TOGARAM1: variants seen among roughly 807,000 people sequenced by gnomAD.
TOGARAM1 encodes TOG array regulator of axonemal microtubules protein 1.
A neutral mutation model predicts 166.6 loss-of-function variants in TOGARAM1; 100 were observed. That is an observed-to-expected ratio of 0.60 (90% CI 0.51 to 0.71). TOGARAM1 has a LOEUF of 0.71. TOGARAM1 is among the 30% of genes least tolerant of loss of function. The pLI is 0.00. For missense variants in TOGARAM1, 2,029 were observed against 2,102.7 expected (o/e 0.96, Z 0.69); for synonymous variants, 758 against 763.8 (o/e 0.99, Z 0.13).
rs1885321611 is a variant in TOGARAM1, at chr14:44,963,412, C to T, written c.991C>T (p.Pro331Ser). ...YYLELEASGFPEDPLPCAVTL... is the reference protein window; with the variant it reads ...YYLELEASGFSEDPLPCAVTL... ...TTTGGAACTTGAAGCCTCTGGATTT[C>T]CTGAAGATCCCCTTCCCTGTGCAGT... is the stretch of plus-strand genomic sequence containing the variant. Residue 331 changes from proline to serine, a missense_variant, in exon 1 of 20, where the codon CCT becomes TCT. Pro to Ser is a moderately conservative substitution (Grantham distance 74, BLOSUM62 -1). Around this residue, in one of 2 missense-constraint regions of TOGARAM1, gnomAD observed 1,453 missense variants for 1,432.2 expected, o/e 1.01. Coordinates refer to ENST00000361462, the MANE Select transcript of TOGARAM1 (RefSeq NM_001308120.2). The T allele has an allele frequency of 1.2e-6, 2 of 1,614,062 alleles. No individual in the cohort carries two copies. Among genetic ancestry groups the T allele is most frequent in the Non-Finnish European group, 1.7e-6 (2 of 1,180,042 alleles).
At chr14:45,060,656 C>A (rs1394073918) in intron 16 of TOGARAM1, among the ~76,000 whole-genome samples, 1 of 152,158 alleles carries the variant, frequency 6.6e-6, no homozygotes, top group African/African-American at 2.4e-5. Flanking sequence ...TTAAAAAATG[C>A]TTTCTTAACA....
At position 45,006,725 on chromosome 14, in the gene TOGARAM1, T is replaced by C. The variant is rs370068003; in HGVS notation, c.2904+458T>C. The C allele has an allele frequency of 7.5e-4, 114 of 152,540 alleles. 1 individual carries two copies. The South Asian group carries it at 0.023, about 31-fold the overall frequency. 9.4% of individuals were successfully genotyped at this position (152,540 alleles called of 1,614,324 possible). ...ATGTCTTATGTATTTTTGTACTTTT[T>C]ATATTAATATTATTTTTGTGTATTT... On this transcript the variant is annotated intron_variant, in intron 5 of 19. Coordinates refer to ENST00000361462, the MANE Select transcript of TOGARAM1 (RefSeq NM_001308120.2).
In TOGARAM1 at chr14:44,986,415, G is replaced by A. The variant is rs551041757; in HGVS notation, c.2047-9331G>A. On this transcript the variant is annotated intron_variant, in intron 1 of 19. Coordinates refer to ENST00000361462, the MANE Select transcript of TOGARAM1 (RefSeq NM_001308120.2). ...AGCGATCCCCCTACCTCAGCCTCCC[G>A]AGTAGCTAGGACTACAGGCTGGGGC... Among the ~76,000 whole-genome samples the A allele has an allele frequency of 9.2e-5, 14 of 152,060 alleles. 1 individual carries two copies. In the South Asian group the frequency reaches 2.5e-3, roughly 27 times the overall value.
Position 45,028,199 on chromosome 14 carries a change from T to G in TOGARAM1, c.3528T>G (p.Ser1176=). 1 of 1,575,370 alleles carries G rather than the reference T, an allele frequency of 6.3e-7. No homozygotes were observed. The highest frequency in any genetic ancestry group is 2.3e-5 in the East Asian group (1 of 44,344). ...AGGCTAAAGTTTCTATTTCTAAATC[T>G]ACTTATAACAAGATGAGACAAAAGA... ...EKDAKVSISK[S]TYNKMRQKRK... is the part of the protein sequence containing the mutation. The change falls in exon 10 of 20, where the codon TCT becomes TCG. Residue 1176 remains serine (S), a synonymous_variant. Coordinates refer to ENST00000361462, the MANE Select transcript of TOGARAM1 (RefSeq NM_001308120.2).
intron 16 of TOGARAM1, among the ~76,000 whole-genome samples, chr14:45,060,479 G>A (rs189639334): frequency 6.0e-4 from 91 of 152,072 alleles, no homozygotes; most frequent in African/African-American, 7.0e-4. Context: ...GCCTCCAGAG[G>A]TGCTAGGATT....
intron 16 of TOGARAM1, among the ~76,000 whole-genome samples, chr14:45,063,479 G>GTTTTTTTTTTTTTT (rs373702236): frequency 2.5e-5 from 3 of 118,690 alleles, no homozygotes; most frequent in African/African-American, 3.6e-5. Flanking sequence ...ATTTGACAAA[G>GTTTTTTTTTTTTTT]TTTTTTTTTT....
chr14:44,985,463 G>C (rs940660132), intron 1 of TOGARAM1, among the ~76,000 whole-genome samples: 1 of 152,314 alleles, frequency 6.6e-6, no homozygotes, highest in Admixed American at 6.5e-5. Flanking sequence ...GGGGGTGGGG[G>C]ATGGTTTCAG....
intron 1 of TOGARAM1, among the ~76,000 whole-genome samples, chr14:44,982,013 T>C (rs1886565047): frequency 1.3e-5 from 2 of 152,054 alleles, no homozygotes; most frequent in South Asian, 4.1e-4. Context: ...TAGCTAATTT[T>C]TGTATTTTCA....
rs777102662 is a variant in TOGARAM1, at chr14:44,995,843, G to A, written c.2144G>A (p.Arg715Lys). 21 of 1,610,636 alleles carry A rather than the reference G, an allele frequency of 1.3e-5. No individual in the cohort carries two copies. Among genetic ancestry groups the A allele is most frequent in the Middle Eastern group, 1.7e-4 (1 of 6,010 alleles). ...DLCFSRKRVS[R>K]NLFQNSRDFN... ...TGTTTTAGCAGAAAAAGAGTATCAAGAAACTTATTTCAGAATAGTCGGGAT... is the reference window on the plus strand; with the variant it reads ...TGTTTTAGCAGAAAAAGAGTATCAAAAAACTTATTTCAGAATAGTCGGGAT... The change falls in exon 2 of 20, where the codon AGA becomes AAA. Residue 715 changes from arginine to lysine, a missense_variant. By Grantham distance (26) the Arg-to-Lys change is conservative. Around this residue, in one of 2 missense-constraint regions of TOGARAM1, gnomAD observed 1,453 missense variants for 1,432.2 expected, o/e 1.01. Transcript: ENST00000361462.
At chr14:45,034,081 T>G in intron 11 of TOGARAM1, among the ~76,000 whole-genome samples, 1 of 152,106 alleles carries the variant, frequency 6.6e-6, no homozygotes, top group Non-Finnish European at 1.5e-5. Flanking sequence ...CGCTTGAACC[T>G]GGGAGGCAGA....
rs531253724 is a variant in TOGARAM1, at chr14:45,006,483, G to A, written c.2904+216G>A. 3 of 386,802 alleles carry A rather than the reference G, an allele frequency of 7.8e-6. No individual in the cohort carries two copies. In the Admixed American group the frequency reaches 1.2e-4, roughly 15 times the overall value. The allele number at this position is 386,802 out of a possible 1,614,324, so 24.0% of individuals were successfully genotyped here. On this transcript the variant is annotated intron_variant, in intron 5 of 19. Coordinates refer to ENST00000361462, the MANE Select transcript of TOGARAM1 (RefSeq NM_001308120.2). ...AATAATTTACTGTTAACACTCTACT[G>A]TATTTTCTTCAAGTATTTTTTCTAT... is the stretch of plus-strand genomic sequence containing the variant.
chr14:45,023,458 G>T (rs1880641977), intron 7 of TOGARAM1, among the ~76,000 whole-genome samples: 1 of 152,154 alleles, frequency 6.6e-6, no homozygotes, highest in African/African-American at 2.4e-5. Context: ...ATCATGAGAT[G>T]TCCACACAGT....
intron 7 of TOGARAM1, among the ~76,000 whole-genome samples, chr14:45,017,406 AACACACACAC>A (rs113544622): frequency 0.036 from 5,207 of 145,226 alleles, 297 homozygotes; most frequent in African/African-American, 0.12. Context: ...ATGCACACAA[AACACACACAC>A]ACACACACAC....
At chr14:45,039,828 C>G (rs576536107) in intron 11 of TOGARAM1, among the ~76,000 whole-genome samples, 2 of 152,164 alleles carry the variant, frequency 1.3e-5, no homozygotes, top group Non-Finnish European at 2.9e-5. Context: ...GCTCCTACCC[C>G]TTCTACTCAG....
At chr14:45,038,837 G>C (rs1881573356) in intron 11 of TOGARAM1, among the ~76,000 whole-genome samples, 1 of 152,164 alleles carries the variant, frequency 6.6e-6, no homozygotes. Context: ...TAGGTATGTG[G>C]ACAACTGGAG....
chr14:44,999,295 A>C, intron 2 of TOGARAM1, 68 bp from the exon 3 acceptor site: 3 of 1,420,762 alleles, frequency 2.1e-6, no homozygotes, highest in South Asian at 3.3e-5. Context: ...ACATTTATGA[A>C]ATAAAATGTA....
chr14:45,000,798 G>T (rs10136540), intron 3 of TOGARAM1, among the ~76,000 whole-genome samples: 1 of 152,094 alleles, frequency 6.6e-6, no homozygotes, highest in Non-Finnish European at 1.5e-5. Context: ...AGGCTGGAGT[G>T]CAATGGCTCA....
intron 12 of TOGARAM1, 37 bp from the exon 13 acceptor site, chr14:45,044,598 A>G: frequency 7.0e-7 from 1 of 1,427,088 alleles, no homozygotes; most frequent in Non-Finnish European, 9.7e-7. Context: ...TTTCTTGCAG[A>G]ATATCAGCAA....
chr14:45,004,463 C>T (rs1887852458), intron 4 of TOGARAM1, 97 bp downstream of exon 4: 1 of 866,502 alleles, frequency 1.2e-6, no homozygotes, highest in Non-Finnish European at 1.7e-6. Context: ...TAGTAAACTA[C>T]ATTTTATCTG....
Sources: allele counts gnomAD v4.1 joint callset (sites outside exome capture counted in the v4.1 genomes callset), GRCh38; gene constraint gnomAD v4.1.1; regional missense constraint gnomAD v4.1.1; transcripts MANE v1.5; gene names NCBI Gene and HGNC (gene_info 2026-07-23, HGNC 2026-07-21).